The following CACNA1A variants were observed in gnomAD, a reference collection of about 807,000 sequenced individuals.
CACNA1A encodes the protein calcium voltage-gated channel subunit alpha1 A, also known as voltage-dependent P/Q-type calcium channel subunit alpha-1A.
In CACNA1A, 57 loss-of-function variants were observed where a neutral mutation model predicts 262.4. That is an observed-to-expected ratio of 0.22 (90% CI 0.18 to 0.27). The LOEUF (loss-of-function observed/expected upper bound fraction) is 0.27, where lower values mean the gene tolerates loss of function less well. CACNA1A is among the 10% of genes least tolerant of loss of function. The pLI is 1.00. For synonymous variants in CACNA1A, 1,431 were observed against 1,419.3 expected (o/e 1.01, Z -0.18); for missense variants, 2,526 against 3,562.8 (o/e 0.71, Z 7.41).
rs564031020 is a variant in CACNA1A, at chr19:13,493,943, C to T, written c.293+11989G>A. Reference sequence around the variant, plus strand: ...TCTGGTTGTGAAATTAAACAAGACACCCATTTCTCTGATTGTGAACTTAAA... The same window carrying T: ...TCTGGTTGTGAAATTAAACAAGACATCCATTTCTCTGATTGTGAACTTAAA... On this transcript the variant is annotated intron_variant, in intron 1 of 46. Coordinates refer to ENST00000360228, the MANE Select transcript of CACNA1A (RefSeq NM_001127222.2). 9.2e-5 allele frequency among the ~76,000 whole-genome samples: 14 copies of T among 152,304 alleles called. No homozygotes were observed. The South Asian group carries it at 2.5e-3, about 27-fold the overall frequency.
At chr19:13,210,417 C>T (rs999068990) in intron 44 of CACNA1A, among the ~76,000 whole-genome samples, 200 bp downstream of exon 44, 3 of 152,130 alleles carry the variant, frequency 2.0e-5, no homozygotes, top group African/African-American at 7.2e-5. Flanking sequence ...GGGATGGCCC[C>T]GCCCACCAGG....
intron 17 of CACNA1A, among the ~76,000 whole-genome samples, chr19:13,302,725 T>G (rs916573095): frequency 1.3e-5 from 2 of 152,228 alleles, no homozygotes; most frequent in Non-Finnish European, 2.9e-5. Flanking sequence ...AGCTCCACAG[T>G]GGCCAGGCTT....
intron 1 of CACNA1A, among the ~76,000 whole-genome samples, chr19:13,458,020 T>C (rs550729447): frequency 6.6e-6 from 1 of 152,218 alleles, no homozygotes; most frequent in East Asian, 1.9e-4. Context: ...GACAGCAGAT[T>C]TGTTGTTCCT....
chr19:13,264,372 GCTC>G (rs1375854964), intron 24 of CACNA1A, among the ~76,000 whole-genome samples: 2 of 152,094 alleles, frequency 1.3e-5, no homozygotes, highest in African/African-American at 4.8e-5. Flanking sequence ...CTCCCAACTT[GCTC>G]CTCATTCCCT....
intron 19 of CACNA1A, among the ~76,000 whole-genome samples, chr19:13,290,732 T>C (rs890438923): frequency 4.6e-5 from 7 of 150,900 alleles, no homozygotes; most frequent in Non-Finnish European, 1.0e-4. Flanking sequence ...TATATGTGTA[T>C]ATATGTGTAT....
At chr19:13,332,947 T>C in intron 8 of CACNA1A, 22 bp from the exon 9 acceptor site, 1 of 1,601,448 alleles carries the variant, frequency 6.2e-7, no homozygotes, top group Non-Finnish European at 8.5e-7. Context: ...GAGCACAGAG[T>C]TAAGCTCCTG....
Position 13,411,886 on chromosome 19 carries a change from A to AT in CACNA1A, c.540-40108dup, listed in dbSNP as rs928570709. Among the ~76,000 whole-genome samples the AT allele has an allele frequency of 1.9e-4, 29 of 151,548 alleles. 1 individual carries two copies. Among genetic ancestry groups the AT allele is most frequent in the African/African-American group, 1.2e-4 (5 of 41,316 alleles). ...ATCACCCTGCCTGGCTAATTTAAAA[A>AT]TTTTTTTTTGTAGAGACAGGGGTCT... is the stretch of plus-strand genomic sequence containing the variant. On this transcript the variant is annotated intron_variant, in intron 3 of 46. Transcript: ENST00000360228.
intron 10 of CACNA1A, 31 bp downstream of exon 10, chr19:13,330,213 C>A (rs773970963): frequency 6.8e-7 from 1 of 1,475,398 alleles, no homozygotes; most frequent in Non-Finnish European, 9.3e-7. Context: ...AGGTGATGAA[C>A]AACTGATAGG....
Position 13,262,592 on chromosome 19 carries a change from A to T in CACNA1A, c.4089+142T>A, listed in dbSNP as rs1442648449. The T allele has an allele frequency of 1.1e-5, 7 of 631,978 alleles. No homozygotes were observed. In the East Asian group the frequency reaches 1.9e-4, roughly 17 times the overall value. The allele number at this position is 631,978 out of a possible 1,614,324, so 39.1% of individuals were successfully genotyped here. A position where few individuals can be genotyped will look rare whatever the true frequency, so the allele number is the denominator to read the frequency against. ...TGCCATCTGCTGGGAAGTTGTAATA[A>T]TACAAATATCCATACACGATGGCTA... On this transcript the variant is annotated intron_variant, in intron 25 of 46. Coordinates refer to ENST00000360228, the MANE Select transcript of CACNA1A (RefSeq NM_001127222.2).
chr19:13,255,172 G>A lies in CACNA1A; in HGVS notation c.4678C>T (p.Gln1560Ter). 6.2e-7 allele frequency: 1 copy of A among 1,613,890 alleles called. No individual in the cohort carries two copies. The highest frequency in any genetic ancestry group is 8.5e-7 in the Non-Finnish European group (1 of 1,179,832). Residue 1560 changes from glutamine to a stop codon, truncating the protein, a stop_gained, in exon 29 of 47, where the codon CAG (glutamine) becomes TAG (stop). Coordinates refer to ENST00000360228, the MANE Select transcript of CACNA1A (RefSeq NM_001127222.2). LOFTEE classifies it high-confidence loss of function. Reference sequence around the variant, plus strand: ...TCGAAAGGCGGAGACACCACGAACTGCCACATGCGGTACTGGAAGCTCTGC... The same window carrying A: ...TCGAAAGGCGGAGACACCACGAACTACCACATGCGGTACTGGAAGCTCTGC... ...NKQSFQYRMW[Q>*]FVVSPPFEYT...
rs992337319 is a variant in CACNA1A at position 13,241,085 on chromosome 19, G to A, written c.4950+4097C>T. On this transcript the variant is annotated intron_variant, in intron 31 of 46. Coordinates refer to ENST00000360228, the MANE Select transcript of CACNA1A (RefSeq NM_001127222.2). This position sits in a 1 kb window ranked among gnomAD's most constrained non-coding sequence, Gnocchi z 4.0. ...GGACAGCAGGATGGAGAGAGCTGGA[G>A]GGGCGAGGAGACAGTTGGCAGCTTT... 3.3e-5 allele frequency among the ~76,000 whole-genome samples: 5 copies of A among 152,212 alleles called. No homozygotes were observed. The highest frequency in any genetic ancestry group is 7.4e-5 in the Non-Finnish European group (5 of 68,026).
intron 25 of CACNA1A, chr19:13,262,420 G>A (rs559588460): frequency 7.2e-4 from 169 of 235,474 alleles, no homozygotes; most frequent in Middle Eastern, 3.0e-3. Flanking sequence ...AAGAAATCTA[G>A]TTCCTGCTTC....
At chr19:13,372,002 GT>G (rs1272869043) in intron 3 of CACNA1A, among the ~76,000 whole-genome samples, 1 of 152,136 alleles carries the variant, frequency 6.6e-6, no homozygotes, top group Non-Finnish European at 1.5e-5. Flanking sequence ...GATGGTTCAT[GT>G]TGCACAAATG....
At chr19:13,505,825 C>G in intron 1 of CACNA1A, 107 bp downstream of exon 1, 1 of 1,183,326 alleles carries the variant, frequency 8.5e-7, no homozygotes, top group Non-Finnish European at 1.2e-6. Flanking sequence ...GACCCCCCTC[C>G]TCCCCACCTC....
intron 37 of CACNA1A, chr19:13,226,065 G>A (rs1406503928): frequency 2.6e-5 from 4 of 152,090 alleles, no homozygotes; most frequent in African/African-American, 9.7e-5. Flanking sequence ...CACATTGGTA[G>A]ATTGCAACAA....
At chr19:13,223,336 G>A (rs1349402427) in intron 38 of CACNA1A, among the ~76,000 whole-genome samples, 2 of 152,100 alleles carry the variant, frequency 1.3e-5, no homozygotes, top group African/African-American at 2.4e-5. Context: ...TGGGACTACA[G>A]TACCCACCAC....
intron 10 of CACNA1A, among the ~76,000 whole-genome samples, chr19:13,322,962 A>G (rs1600328090): frequency 6.6e-6 from 1 of 152,232 alleles, no homozygotes; most frequent in Non-Finnish European, 1.5e-5. Context: ...AACAAACCTC[A>G]TTTGTCTTTT....
intron 34 of CACNA1A, among the ~76,000 whole-genome samples, chr19:13,234,350 CAAAAAAAA>C (rs71168693): frequency 9.8e-5 from 7 of 71,240 alleles, no homozygotes; most frequent in Admixed American, 6.4e-4. Context: ...ACTCCATCTC[CAAAAAAAA>C]AAAAAAAAAA....
intron 4 of CACNA1A, among the ~76,000 whole-genome samples, chr19:13,370,516 C>T (rs1273451971): frequency 2.0e-5 from 3 of 151,976 alleles, no homozygotes; most frequent in Non-Finnish European, 4.4e-5. Context: ...GCAGCCTTGA[C>T]CTCCTGGGCT....
Sources: allele counts gnomAD v4.1 joint callset (sites outside exome capture counted in the v4.1 genomes callset), GRCh38; gene constraint gnomAD v4.1.1; non-coding constraint Gnocchi (gnomAD v3.1); transcripts MANE v1.5; gene names NCBI Gene and HGNC (gene_info 2026-07-23, HGNC 2026-07-21).